The following RUNDC1 variants were observed in gnomAD, a reference collection of about 807,000 sequenced individuals.
The protein encoded by RUNDC1 is RUN domain containing 1, also known as RUN domain-containing protein 1.
Under a neutral mutation model 49.3 loss-of-function variants are expected in RUNDC1, and 31 were observed. The observed-to-expected ratio is 0.63, with a 90% CI of 0.47 to 0.85. The LOEUF (loss-of-function observed/expected upper bound fraction) is 0.85, where lower values mean the gene tolerates loss of function less well. Ranked by LOEUF, RUNDC1 falls within the 40% of genes least tolerant of loss-of-function variation. The pLI is 0.00. For missense variants in RUNDC1, 715 were observed against 806.7 expected, an observed-to-expected ratio of 0.89 and a Z score of 1.38; for synonymous variants, 347 against 348.6, an observed-to-expected ratio of 1.00 and a Z score of 0.05.
rs2050246007 is a variant in RUNDC1, at chr17:42,991,706, A to G, written c.1832A>G (p.Asp611Gly). 6.2e-7 allele frequency: 1 copy of G among 1,610,394 alleles called. No homozygotes were observed. The part of the protein sequence containing the change: ...LAVRQLKNIK[D>G]AF ...GTGCGCCAGCTCAAAAACATCAAAG[A>G]TGCCTTTTGATGAGAGTGCCCTAAC... Residue 611 changes from aspartate (D) to glycine (G), a missense_variant, in exon 5 of 5, where the codon GAT (aspartate) becomes GGT (glycine). Physicochemically the swap from Asp to Gly is moderately conservative, Grantham distance 94. Transcript: ENST00000361677.
At chr17:42,985,359 A>G (rs532045693) in intron 1 of RUNDC1, among the ~76,000 whole-genome samples, 1 of 152,338 alleles carries the variant, frequency 6.6e-6, no homozygotes, top group Non-Finnish European at 1.5e-5. Flanking sequence ...GAGCTAGACT[A>G]GAAGTGTGAA....
chr17:42,980,777 G>C lies in RUNDC1; in HGVS notation c.201G>C (p.Ala67=). The part of the protein sequence containing the change: ...LEEATAEEPG[A]APGSPPDSPG... The stretch of plus-strand genomic sequence containing the variant: ...AGGCGACGGCCGAGGAGCCTGGCGC[G>C]GCCCCGGGCTCCCCGCCGGATTCGC... The change falls in exon 1 of 5, where the codon GCG becomes GCC. Residue 67 remains alanine, a synonymous_variant. Transcript: ENST00000361677. 6.9e-7 allele frequency: 1 copy of C among 1,440,030 alleles called. No individual in the cohort carries two copies. Among genetic ancestry groups the C allele is most frequent in the Non-Finnish European group, 9.0e-7 (1 of 1,106,250 alleles). The allele number at this position is 1,440,030 out of a possible 1,614,324, so 89.2% of individuals were successfully genotyped here.
chr17:42,984,642 A>G, intron 1 of RUNDC1, among the ~76,000 whole-genome samples: 1 of 152,106 alleles, frequency 6.6e-6, no homozygotes, highest in East Asian at 1.9e-4. Flanking sequence ...TTGTTTGCCC[A>G]CACTCCAGCA....
chr17:42,985,194 C>T (rs920148925), intron 1 of RUNDC1, among the ~76,000 whole-genome samples: 4 of 152,160 alleles, frequency 2.6e-5, no homozygotes, highest in Non-Finnish European at 4.4e-5. Context: ...GCCATACTTT[C>T]CTTAATTCAG....
chr17:42,983,466 C>T (rs2050130396), intron 1 of RUNDC1, among the ~76,000 whole-genome samples: 1 of 148,420 alleles, frequency 6.7e-6, no homozygotes, highest in Admixed American at 6.8e-5. Context: ...AGCCTTGACT[C>T]CCAGGCTCAG....
chr17:42,991,714 T>A lies in RUNDC1; in HGVS notation c.1840T>A (p.Ter614ArgextTer1), dbSNP rs1159705828. Residue 614 changes from the stop codon to arginine (R), a stop_lost, in exon 5 of 5, where the codon TGA (stop) becomes AGA (arginine). Coordinates refer to ENST00000361677, the MANE Select transcript of RUNDC1 (RefSeq NM_173079.5). Reference protein sequence around the residue: ...RQLKNIKDAF* With the variant: ...RQLKNIKDAFR ...GCTCAAAAACATCAAAGATGCCTTT[T>A]GATGAGAGTGCCCTAACCCCAGACA... is the stretch of plus-strand genomic sequence containing the variant. 6.2e-7 allele frequency: 1 copy of A among 1,608,748 alleles called. No homozygotes were observed. Among genetic ancestry groups the A allele is most frequent in the Admixed American group, 1.7e-5 (1 of 59,820 alleles).
rs1490565944 is a variant in RUNDC1, at chr17:42,991,741, G to A, written c.*25G>A. The stretch of plus-strand genomic sequence containing the variant: ...ATGAGAGTGCCCTAACCCCAGACAA[G>A]CTCCTTGTTCAGTAGGGATAGATGT... On this transcript the variant is annotated 3_prime_UTR_variant, in exon 5 of 5. Transcript: ENST00000361677. The A allele has an allele frequency of 1.3e-6, 2 of 1,590,746 alleles. No individual in the cohort carries two copies. Among genetic ancestry groups the A allele is most frequent in the Non-Finnish European group, 1.7e-6 (2 of 1,169,472 alleles).
chr17:42,992,031 G>A lies in RUNDC1; in HGVS notation c.*315G>A, dbSNP rs565510173. ...AGTTCGAGACCATCCTGTCTAACAC[G>A]GTGAAACCCCATCTCTACTAAAAAT... On this transcript the variant is annotated 3_prime_UTR_variant, in exon 5 of 5. Coordinates refer to ENST00000361677, the MANE Select transcript of RUNDC1 (RefSeq NM_173079.5). 176 of 262,990 alleles carry A rather than the reference G, an allele frequency of 6.7e-4. No individual in the cohort carries two copies. The highest frequency in any genetic ancestry group is 3.8e-3 in the African/African-American group (169 of 44,632). 16.3% of individuals were successfully genotyped at this position (262,990 alleles called of 1,614,324 possible). A position where few individuals can be genotyped will look rare whatever the true frequency, so the allele number is the denominator to read the frequency against.
chr17:42,987,684 TTTC>T (rs2050188818), intron 2 of RUNDC1, among the ~76,000 whole-genome samples: 1 of 152,230 alleles, frequency 6.6e-6, no homozygotes, highest in South Asian at 2.1e-4. Flanking sequence ...ATAACAATAA[TTTC>T]TTCATTTGAT....
chr17:42,985,085 C>T (rs1416240464), intron 1 of RUNDC1, among the ~76,000 whole-genome samples: 1 of 151,870 alleles, frequency 6.6e-6, no homozygotes, highest in African/African-American at 2.4e-5. Flanking sequence ...CGGGGTTCCA[C>T]CATGTTGGCC....
At chr17:42,982,598 A>G (rs1391350289) in intron 1 of RUNDC1, among the ~76,000 whole-genome samples, 2 of 152,160 alleles carry the variant, frequency 1.3e-5, no homozygotes. Flanking sequence ...CCCATTTTCC[A>G]TGATGTGATT....
Position 42,991,182 on chromosome 17 carries a change from C to T in RUNDC1, c.1308C>T (p.Asp436=). 1.2e-6 allele frequency: 2 copies of T among 1,614,208 alleles called. No individual in the cohort carries two copies. The highest frequency in any genetic ancestry group is 2.2e-5 in the East Asian group (1 of 44,886). ...VRKELTVAVR[D]LLAHGLYASS... The stretch of plus-strand genomic sequence containing the variant: ...AGGAGCTAACGGTGGCTGTGAGGGA[C>T]CTGCTGGCCCATGGACTGTATGCCT... The change falls in exon 5 of 5, where the codon GAC becomes GAT. Residue 436 remains aspartate (D), a synonymous_variant. Transcript: ENST00000361677.
At chr17:42,989,621 A>G in intron 3 of RUNDC1, 82 bp downstream of exon 3, 1 of 1,362,356 alleles carries the variant, frequency 7.3e-7, no homozygotes, top group South Asian at 1.2e-5. Context: ...AAAAGGTTCT[A>G]ATTCTGGTTT....
At chr17:42,990,675 T>C (rs963570962) in intron 4 of RUNDC1, among the ~76,000 whole-genome samples, 176 bp from the exon 5 acceptor site, 1 of 152,210 alleles carries the variant, frequency 6.6e-6, no homozygotes, top group Non-Finnish European at 1.5e-5. Flanking sequence ...ATGTGAATTA[T>C]ATCTCAATAC....
At position 42,980,790 on chromosome 17, in the gene RUNDC1, C is replaced by T; in HGVS notation, c.214C>T (p.Pro72Ser). 1 of 1,409,734 alleles carries T rather than the reference C, an allele frequency of 7.1e-7. No individual in the cohort carries two copies. Among genetic ancestry groups the T allele is most frequent in the South Asian group, 1.5e-5 (1 of 65,202 alleles). 87.3% of individuals were successfully genotyped at this position (1,409,734 alleles called of 1,614,324 possible). A position where few individuals can be genotyped will look rare whatever the true frequency, so the allele number is the denominator to read the frequency against. Reference sequence around the variant, plus strand: ...GGAGCCTGGCGCGGCCCCGGGCTCCCCGCCGGATTCGCCGGGCCGGACGCT... The same window carrying T: ...GGAGCCTGGCGCGGCCCCGGGCTCCTCGCCGGATTCGCCGGGCCGGACGCT... ...AEEPGAAPGS[P>S]PDSPGRTLRR... Residue 72 changes from proline (P) to serine (S), a missense_variant, in exon 1 of 5, where the codon CCG becomes TCG. Transcript: ENST00000361677.
chr17:42,990,867 G>T lies in RUNDC1; in HGVS notation c.993G>T (p.Val331=). ...PGNSKTKAED[V]KKVRETGLHL... is the part of the protein sequence containing the mutation. ...TCTAAGCAGCAAAGGCAGAGGATGT[G>T]AAGAAAGTCCGGGAGACGGGGCTGC... is the stretch of plus-strand genomic sequence containing the variant. The change falls in exon 5 of 5, where the codon GTG becomes GTT. Residue 331 remains valine (V), a synonymous_variant. Coordinates refer to ENST00000361677, the MANE Select transcript of RUNDC1 (RefSeq NM_173079.5). 1.9e-6 allele frequency: 3 copies of T among 1,596,834 alleles called. No individual in the cohort carries two copies. The highest frequency in any genetic ancestry group is 2.6e-6 in the Non-Finnish European group (3 of 1,167,744).
chr17:42,990,913 G>A lies in RUNDC1; in HGVS notation c.1039G>A (p.Ala347Thr). 6.2e-7 allele frequency: 1 copy of A among 1,611,582 alleles called. No homozygotes were observed. The highest frequency in any genetic ancestry group is 8.5e-7 in the Non-Finnish European group (1 of 1,178,100). Residue 347 changes from alanine (A) to threonine (T), a missense_variant, in exon 5 of 5, where the codon GCC (alanine) becomes ACC (threonine). Around this residue, in one of 5 missense-constraint regions of RUNDC1, gnomAD observed 425 missense variants for 499.7 expected, o/e 0.85. Coordinates refer to ENST00000361677, the MANE Select transcript of RUNDC1 (RefSeq NM_173079.5). ...GCTGCACCTGATGCGGCGAGCGCTGGCCGTGCTCCAGATCTTTGCTGTTAG... is the reference window on the plus strand; with the variant it reads ...GCTGCACCTGATGCGGCGAGCGCTGACCGTGCTCCAGATCTTTGCTGTTAG... ...TGLHLMRRAL[A>T]VLQIFAVSQF...
intron 1 of RUNDC1, chr17:42,985,724 T>C (rs767173162): frequency 3.2e-5 from 31 of 979,418 alleles, no homozygotes; most frequent in Non-Finnish European, 3.8e-5. Context: ...GCCTTGCCCC[T>C]ACAAATGATT....
chr17:42,991,915 G>C lies in RUNDC1; in HGVS notation c.*199G>C. 4 of 611,500 alleles carry C rather than the reference G, an allele frequency of 6.5e-6. No individual in the cohort carries two copies. The highest frequency in any genetic ancestry group is 1.1e-5 in the Non-Finnish European group (4 of 355,706). The allele number at this position is 611,500 out of a possible 1,614,324, so 37.9% of individuals were successfully genotyped here. ...AAAGATGTGCTGGAGGGACCCTCTTGTTAAGAAGGTTCTGCCAGGCCGGGC... is the reference window on the plus strand; with the variant it reads ...AAAGATGTGCTGGAGGGACCCTCTTCTTAAGAAGGTTCTGCCAGGCCGGGC... On this transcript the variant is annotated 3_prime_UTR_variant, in exon 5 of 5. Transcript: ENST00000361677.
Sources: allele counts gnomAD v4.1 joint callset (sites outside exome capture counted in the v4.1 genomes callset), GRCh38; gene constraint gnomAD v4.1.1; regional missense constraint gnomAD v4.1.1; transcripts MANE v1.5; gene names NCBI Gene and HGNC (gene_info 2026-07-23, HGNC 2026-07-21).